The following ABCA13 variants were observed in gnomAD, a reference collection of about 807,000 sequenced individuals.
The protein encoded by ABCA13 is ATP binding cassette subfamily A member 13.
ABCA13 carries 476 observed loss-of-function variants against 478.7 expected under a neutral mutation model. The ratio of observed to expected loss-of-function variants is 0.99; its 90% CI spans 0.92 to 1.07. ABCA13 has a LOEUF of 1.07. Ranked by LOEUF, ABCA13 falls within the 50% of genes least tolerant of loss-of-function variation. The pLI is 0.00. For synonymous variants in ABCA13, 2,252 were observed against 2,158.9 expected, an observed-to-expected ratio of 1.04 and a Z score of -1.20; for missense variants, 6,060 against 5,910.6, an observed-to-expected ratio of 1.03 and a Z score of -0.83.
At chr7:48,525,458 A>G (rs1405438120) in intron 54 of ABCA13, among the ~76,000 whole-genome samples, 2 of 152,148 alleles carry the variant, frequency 1.3e-5, no homozygotes, top group African/African-American at 2.4e-5. Flanking sequence ...AACAGGAAAA[A>G]GGCATATGAA....
chr7:48,451,682 C>A (rs1381236835), intron 42 of ABCA13, among the ~76,000 whole-genome samples: 1 of 152,066 alleles, frequency 6.6e-6, no homozygotes, highest in Non-Finnish European at 1.5e-5. Flanking sequence ...GTTTGTAAAG[C>A]TTTATTATAA....
At chr7:48,574,179 GA>G (rs1374218358) in intron 55 of ABCA13, among the ~76,000 whole-genome samples, 3 of 152,040 alleles carry the variant, frequency 2.0e-5, no homozygotes, top group Non-Finnish European at 4.4e-5. Flanking sequence ...TTGATTAAAT[GA>G]AAATATTTAG....
intron 43 of ABCA13, among the ~76,000 whole-genome samples, chr7:48,466,224 AG>A (rs1826860954): frequency 6.6e-6 from 1 of 152,188 alleles, no homozygotes; most frequent in Non-Finnish European, 1.5e-5. Context: ...CTTATAATTG[AG>A]GTATAAAATT....
intron 39 of ABCA13, among the ~76,000 whole-genome samples, chr7:48,406,550 TCAAA>T: frequency 6.6e-6 from 1 of 152,212 alleles, no homozygotes; most frequent in Non-Finnish European, 1.5e-5. Context: ...AGAGAAACAG[TCAAA>T]CAGTGTCTTG....
At chr7:48,378,027 A>G (rs1813772712) in intron 35 of ABCA13, among the ~76,000 whole-genome samples, 2 of 152,152 alleles carry the variant, frequency 1.3e-5, no homozygotes, top group South Asian at 4.1e-4. Context: ...ATATTTTTCT[A>G]CATTATGGTA....
At position 48,274,296 on chromosome 7, in the gene ABCA13, T is replaced by C. The variant is rs758220274; in HGVS notation, c.4630T>C (p.Trp1544Arg). 6.2e-6 allele frequency: 10 copies of C among 1,613,262 alleles called. No individual in the cohort carries two copies. The East Asian group carries it at 2.2e-4, about 36-fold the overall frequency. Residue 1544 changes from tryptophan (W) to arginine (R), a missense_variant, in exon 17 of 62, where the codon TGG (tryptophan) becomes CGG (arginine). Around this residue, in one of 3 missense-constraint regions of ABCA13, gnomAD observed 4,423 missense variants for 4,309.1 expected, o/e 1.03. Transcript: ENST00000435803. ...AATTCCTAATCAGTTTCAAAATATT[T>C]GGCTTCATTTAATAACACTGGGGAA... ...DEIPNQFQNI[W>R]LHLITLGKEF...
chr7:48,175,253 CAG>C (rs999463175), intron 1 of ABCA13, among the ~76,000 whole-genome samples: 3 of 151,896 alleles, frequency 2.0e-5, no homozygotes, highest in East Asian at 1.9e-4. Flanking sequence ...TTTAAATTGA[CAG>C]ATAATAATTG....
At chr7:48,377,060 G>A (rs1165678953) in intron 35 of ABCA13, among the ~76,000 whole-genome samples, 3 of 152,134 alleles carry the variant, frequency 2.0e-5, no homozygotes, top group Non-Finnish European at 2.9e-5. Context: ...GGTGGGCTGG[G>A]AGTGAGGGGC....
chr7:48,458,769 C>T (rs1449374925), intron 43 of ABCA13, among the ~76,000 whole-genome samples: 1 of 152,136 alleles, frequency 6.6e-6, no homozygotes, highest in African/African-American at 2.4e-5. Flanking sequence ...AGGGTTTGAG[C>T]TTCTTGGGCC....
At chr7:48,448,595 A>T (rs1225758020) in intron 42 of ABCA13, among the ~76,000 whole-genome samples, 1 of 152,218 alleles carries the variant, frequency 6.6e-6, no homozygotes, top group Non-Finnish European at 1.5e-5. Context: ...CCACATAGGA[A>T]TTGGAAATTT....
At chr7:48,620,131 A>G (rs908349275) in intron 59 of ABCA13, among the ~76,000 whole-genome samples, 2 of 152,082 alleles carry the variant, frequency 1.3e-5, no homozygotes, top group African/African-American at 4.8e-5. Context: ...AGCTCTGAGG[A>G]GGAGGAGGAG....
In ABCA13 at chr7:48,391,912, C is replaced by A; in HGVS notation, c.11655-9C>A. 6.2e-7 allele frequency: 1 copy of A among 1,612,858 alleles called. No homozygotes were observed. The highest frequency in any genetic ancestry group is 2.2e-5 in the East Asian group (1 of 44,806). On this transcript the variant is annotated splice_polypyrimidine_tract_variant and intron_variant, in intron 37 of 61. Coordinates refer to ENST00000435803, the MANE Select transcript of ABCA13 (RefSeq NM_152701.5). ...CGTATTCTCCATGCTGTCTTATTTT[C>A]TCTGGCAGATCCATGTTGACGGGGC...
chr7:48,623,730 A>G (rs1793380050), intron 59 of ABCA13, among the ~76,000 whole-genome samples: 3 of 152,208 alleles, frequency 2.0e-5, no homozygotes, highest in Admixed American at 6.5e-5. Context: ...GCTTTCTGTC[A>G]GAGTCCCACC....
chr7:48,392,824 T>G (rs923836780), intron 38 of ABCA13, among the ~76,000 whole-genome samples: 1 of 152,172 alleles, frequency 6.6e-6, no homozygotes, highest in Non-Finnish European at 1.5e-5. Flanking sequence ...TTGAAGACTA[T>G]TCAAATTTAG....
At chr7:48,357,815 T>G (rs1401560442) in intron 31 of ABCA13, among the ~76,000 whole-genome samples, 1 of 151,986 alleles carries the variant, frequency 6.6e-6, no homozygotes, top group East Asian at 1.9e-4. Context: ...GCTTGGTCAC[T>G]TGGCTGCCAT....
Position 48,578,894 on chromosome 7 carries a change from A to G in ABCA13, c.14355-1330A>G, listed in dbSNP as rs570614281. Among the ~76,000 whole-genome samples, 13 of 152,340 alleles carry G rather than the reference A, an allele frequency of 8.5e-5. No homozygotes were observed. In the South Asian group the frequency reaches 2.1e-3, roughly 24 times the overall value. The stretch of plus-strand genomic sequence containing the variant: ...AAGGCAACCATGTGGGCAAATAATC[A>G]TCTTTGCAACAAATGGTGCCAGAAC... On this transcript the variant is annotated intron_variant, in intron 55 of 61. Coordinates refer to ENST00000435803, the MANE Select transcript of ABCA13 (RefSeq NM_152701.5).
chr7:48,407,328 T>A (rs1818396800), intron 39 of ABCA13, among the ~76,000 whole-genome samples: 1 of 151,470 alleles, frequency 6.6e-6, no homozygotes, highest in Admixed American at 6.6e-5. Flanking sequence ...ACAAAAAAAT[T>A]AACCAGGTGT....
At chr7:48,286,384 T>C (rs1797743885) in intron 19 of ABCA13, among the ~76,000 whole-genome samples, 1 of 152,134 alleles carries the variant, frequency 6.6e-6, no homozygotes, top group Admixed American at 6.5e-5. Flanking sequence ...ACTGTCTCCA[T>C]AGTTTTTGTC....
chr7:48,336,693 A>G (rs939034855), intron 28 of ABCA13, among the ~76,000 whole-genome samples: 1 of 152,224 alleles, frequency 6.6e-6, no homozygotes, highest in Non-Finnish European at 1.5e-5. Context: ...AGAGTGCAGC[A>G]GTGGGCCCTG....
Sources: gnomAD v4.1 joint callset for allele counts (sites outside exome capture counted in the v4.1 genomes callset) on GRCh38, gnomAD v4.1.1 for gene constraint, gnomAD v4.1.1 regional missense constraint, MANE v1.5 for transcripts, NCBI Gene and HGNC (gene_info 2026-07-23, HGNC 2026-07-21) for gene names.